The following ADD3 variants were observed in gnomAD, a reference collection of about 807,000 sequenced individuals.
ADD3 encodes the protein gamma-adducin.
Under a neutral mutation model 80.2 loss-of-function variants are expected in ADD3, and 25 were observed. The ratio of observed to expected loss-of-function variants is 0.31; its 90% CI spans 0.23 to 0.44. The LOEUF is 0.44. ADD3 is among the 20% of genes least tolerant of loss of function. The pLI is 1.00. For synonymous variants in ADD3, 284 were observed against 289.6 expected (o/e 0.98, Z 0.20); for missense variants, 829 against 847.5 (o/e 0.98, Z 0.27).
chr10:110,021,959 T>G (rs1305986789), intron 1 of ADD3, among the ~76,000 whole-genome samples: 2 of 152,194 alleles, frequency 1.3e-5, no homozygotes. Flanking sequence ...ATAACTTATG[T>G]GGACCTTATT....
intron 1 of ADD3, among the ~76,000 whole-genome samples, chr10:110,078,797 A>G (rs942416470): frequency 1.3e-5 from 2 of 152,246 alleles, no homozygotes; most frequent in Admixed American, 6.5e-5. Context: ...GTTACAATGT[A>G]CTGTCCCTTT....
At chr10:110,117,300 A>G (rs376470223) in intron 4 of ADD3, 42 bp from the exon 5 acceptor site, 13 of 1,049,476 alleles carry the variant, frequency 1.2e-5, no homozygotes, top group Non-Finnish European at 1.9e-5. Context: ...ACTGCAAAAT[A>G]TGAACCACTT....
intron 1 of ADD3, among the ~76,000 whole-genome samples, chr10:110,056,380 T>C (rs927833564): frequency 6.6e-6 from 1 of 152,224 alleles, no homozygotes; most frequent in Non-Finnish European, 1.5e-5. Flanking sequence ...AACATAATAT[T>C]TACAAAAGCA....
intron 1 of ADD3, among the ~76,000 whole-genome samples, chr10:110,018,315 G>A (rs907413162): frequency 6.6e-6 from 1 of 151,788 alleles, no homozygotes; most frequent in Non-Finnish European, 1.5e-5. Context: ...ATTGCCAGAG[G>A]TCAGGAGTTC....
chr10:110,124,286 T>C lies in ADD3; in HGVS notation c.1401+12T>C, dbSNP rs1851868518. 1 of 1,609,456 alleles carries C rather than the reference T, an allele frequency of 6.2e-7. No homozygotes were observed. Among genetic ancestry groups the C allele is most frequent in the African/African-American group, 1.3e-5 (1 of 74,828 alleles). ...GAACCAAAATCACGGTATGCCAGTA[T>C]TTTATGTAGTTTGCCTTTACTAAAT... is the stretch of plus-strand genomic sequence containing the variant. On this transcript the variant is annotated intron_variant, in intron 10 of 14. Transcript: ENST00000356080.
intron 1 of ADD3, among the ~76,000 whole-genome samples, chr10:110,085,864 G>T (rs1846665511): frequency 6.6e-6 from 1 of 152,072 alleles, no homozygotes; most frequent in Admixed American, 6.5e-5. Flanking sequence ...CCAGCACTTT[G>T]GGAGGCCGAG....
In ADD3 at chr10:110,100,789, C is replaced by T. The variant is rs1398020545; in HGVS notation, c.136C>T (p.Arg46Ter). The T allele has an allele frequency of 3.1e-6, 5 of 1,613,108 alleles. No individual in the cohort carries two copies. The highest frequency in any genetic ancestry group is 4.2e-6 in the Non-Finnish European group (5 of 1,179,652). The change falls in exon 2 of 15, where the codon CGA (arginine) becomes TGA (stop). Residue 46 changes from arginine to a stop codon, truncating the protein, a stop_gained. Transcript: ENST00000356080. LOFTEE classifies it high-confidence loss of function. ...GGAGAGGAACATGTCTCCTGATCTACGACAAGACTTCAACATGATGGAGCA... is the reference window on the plus strand; with the variant it reads ...GGAGAGGAACATGTCTCCTGATCTATGACAAGACTTCAACATGATGGAGCA... ...IRERNMSPDLRQDFNMMEQRK... is the reference protein window; with the variant it reads ...IRERNMSPDL
intron 2 of ADD3, among the ~76,000 whole-genome samples, chr10:110,110,290 G>T (rs968282240): frequency 1.3e-5 from 2 of 152,184 alleles, no homozygotes; most frequent in African/African-American, 4.8e-5. Flanking sequence ...TATCCAAGAT[G>T]GGTGTGGGTC....
At chr10:110,108,162 T>C (rs1849599706) in intron 2 of ADD3, among the ~76,000 whole-genome samples, 1 of 152,164 alleles carries the variant, frequency 6.6e-6, no homozygotes, top group Non-Finnish European at 1.5e-5. Context: ...TATGCTTTGA[T>C]GAATTCTTAG....
At chr10:110,099,890 A>G (rs1337513714) in intron 1 of ADD3, among the ~76,000 whole-genome samples, 1 of 152,180 alleles carries the variant, frequency 6.6e-6, no homozygotes, top group East Asian at 1.9e-4. Context: ...GTTTAAGACT[A>G]TTTTTTCCCT....
At chr10:110,018,111 A>T (rs1165088552) in intron 1 of ADD3, among the ~76,000 whole-genome samples, 1 of 152,222 alleles carries the variant, frequency 6.6e-6, no homozygotes, top group Non-Finnish European at 1.5e-5. Context: ...TTCCCAGTCA[A>T]ACATAGGAAT....
chr10:110,030,526 T>G (rs1854881734), intron 1 of ADD3, among the ~76,000 whole-genome samples: 1 of 151,290 alleles, frequency 6.6e-6, no homozygotes, highest in African/African-American at 2.4e-5. Flanking sequence ...GAGATGATTT[T>G]AGGTGGCATG....
chr10:110,096,536 CTGAG>C (rs1262481807), intron 1 of ADD3, among the ~76,000 whole-genome samples: 1 of 152,134 alleles, frequency 6.6e-6, no homozygotes, highest in African/African-American at 2.4e-5. Flanking sequence ...TGTATGTTGA[CTGAG>C]TAGCACCTTA....
At chr10:110,086,201 G>A (rs560769841) in intron 1 of ADD3, among the ~76,000 whole-genome samples, 1 of 152,080 alleles carries the variant, frequency 6.6e-6, no homozygotes, top group Non-Finnish European at 1.5e-5. Context: ...CATGAGGTCA[G>A]GAGGTCAAGA....
chr10:110,006,429 C>A (rs1477192899), upstream of ADD3, among the ~76,000 whole-genome samples: 3 of 152,142 alleles, frequency 2.0e-5, no homozygotes, highest in Non-Finnish European at 4.4e-5. Flanking sequence ...AATATCCAGC[C>A]ACTCCCAATA....
intron 1 of ADD3, among the ~76,000 whole-genome samples, chr10:110,023,739 A>G (rs538173228): frequency 1.3e-5 from 2 of 152,182 alleles, no homozygotes; most frequent in East Asian, 3.8e-4. Flanking sequence ...GTGTTACCCA[A>G]TCGTCCAGTC....
At chr10:110,107,098 T>C (rs1489199562) in intron 2 of ADD3, among the ~76,000 whole-genome samples, 7 of 152,098 alleles carry the variant, frequency 4.6e-5, no homozygotes, top group Admixed American at 4.6e-4. Flanking sequence ...AGCACTGAAC[T>C]ACACACTCAG....
intron 1 of ADD3, among the ~76,000 whole-genome samples, chr10:110,082,523 C>T (rs533804392): frequency 3.3e-5 from 5 of 152,136 alleles, no homozygotes; most frequent in Admixed American, 2.0e-4. Context: ...ATAGCTTATT[C>T]GGTTTACTTC....
At chr10:110,043,864 T>G (rs1346092362) in intron 1 of ADD3, among the ~76,000 whole-genome samples, 6 of 152,204 alleles carry the variant, frequency 3.9e-5, no homozygotes, top group Non-Finnish European at 7.3e-5. Context: ...AAGGAAATAC[T>G]ATTTTTGGGT....
Sources: gnomAD v4.1 joint callset for allele counts (sites outside exome capture counted in the v4.1 genomes callset) on GRCh38, gnomAD v4.1.1 for gene constraint, MANE v1.5 for transcripts, NCBI Gene and HGNC (gene_info 2026-07-23, HGNC 2026-07-21) for gene names.